Variants in KIAA1217 observed in about 807,000 individuals in gnomAD.
KIAA1217 encodes KIAA1217.
Under a neutral mutation model 163.9 loss-of-function variants are expected in KIAA1217, and 88 were observed. That is an observed-to-expected ratio of 0.54 (90% CI 0.45 to 0.64). KIAA1217 has a LOEUF of 0.64. Among genes scored for constraint, KIAA1217 ranks in the 30% least tolerant of loss-of-function variants. The probability of loss-of-function intolerance (pLI) is 0.00; values close to 1 mark genes in which losing one functional copy is unlikely to be tolerated. For missense variants in KIAA1217, 2,372 were observed against 2,475.0 expected (o/e 0.96, Z 0.88); for synonymous variants, 903 against 923.1 (o/e 0.98, Z 0.39).
chr10:23,751,141 C>A (rs1839716646), intron 1 of KIAA1217, among the ~76,000 whole-genome samples: 4 of 152,030 alleles, frequency 2.6e-5, no homozygotes, highest in Admixed American at 2.6e-4. Flanking sequence ...AATTCTTGTG[C>A]CTCAGCCTCC....
intron 2 of KIAA1217, among the ~76,000 whole-genome samples, chr10:24,321,700 G>A (rs1424561061): frequency 6.6e-6 from 1 of 152,178 alleles, no homozygotes; most frequent in East Asian, 1.9e-4. Flanking sequence ...CCACTTGTAT[G>A]AAGTACTTAG....
chr10:23,907,292 TTGTG>T (rs146002283), intron 1 of KIAA1217, among the ~76,000 whole-genome samples: 54 of 145,850 alleles, frequency 3.7e-4, no homozygotes, highest in Non-Finnish European at 7.1e-4. Flanking sequence ...CCAATATGAT[TTGTG>T]TGTGTGTGTG....
At chr10:23,984,826 C>G (rs1036688705) in intron 1 of KIAA1217, among the ~76,000 whole-genome samples, 18 of 151,930 alleles carry the variant, frequency 1.2e-4, no homozygotes, top group African/African-American at 4.1e-4. Flanking sequence ...GGCTTAAAAC[C>G]GAGATGATGG....
In KIAA1217 at chr10:24,426,490, G is replaced by A. The variant is rs60073051; in HGVS notation, c.554-6505G>A. Reference sequence around the variant, plus strand: ...AATACAAAAATTAGCCGGACATGGGGGCATATACCTGTAGTCCCAGCTACT... The same window carrying A: ...AATACAAAAATTAGCCGGACATGGGAGCATATACCTGTAGTCCCAGCTACT... On this transcript the variant is annotated intron_variant, in intron 3 of 20. Coordinates refer to ENST00000376454, the MANE Select transcript of KIAA1217 (RefSeq NM_019590.5). Among the ~76,000 whole-genome samples the A allele has an allele frequency of 3.9e-3, 591 of 152,196 alleles. 5 individuals are homozygous for A. Among genetic ancestry groups the A allele is most frequent in the African/African-American group, 0.013 (548 of 41,514 alleles).
chr10:24,440,404 A>G (rs1667537596), intron 5 of KIAA1217, among the ~76,000 whole-genome samples: 1 of 152,138 alleles, frequency 6.6e-6, no homozygotes, highest in Admixed American at 6.5e-5. Flanking sequence ...CTGGAGTTCC[A>G]TGGTGCTGAG....
Position 24,524,571 on chromosome 10 carries a change from C to A in KIAA1217, c.2705C>A (p.Ala902Asp), listed in dbSNP as rs747654033. ...ATCCAGCCCTCCCAGCACTCCGTGG[C>A]CCTGCTGAACCCTGCTCAGAACTTG... ...VVIQPSQHSVALLNPAQNLPH... is the reference protein window; with the variant it reads ...VVIQPSQHSVDLLNPAQNLPH... The change falls in exon 13 of 21, where the codon GCC (alanine) becomes GAC (aspartate). Residue 902 changes from alanine (A) to aspartate (D), a missense_variant. Physicochemically the swap from Ala to Asp is moderately radical, Grantham distance 126 (BLOSUM62 -2). This residue lies in a region of KIAA1217 where 1,431 missense variants were observed against 1,470.3 expected (regional missense o/e 0.97). Coordinates refer to ENST00000376454, the MANE Select transcript of KIAA1217 (RefSeq NM_019590.5). The A allele has an allele frequency of 6.2e-7, 1 of 1,613,976 alleles. No homozygotes were observed. Among genetic ancestry groups the A allele is most frequent in the South Asian group, 1.1e-5 (1 of 91,084 alleles).
chr10:24,053,149 C>T (rs576235276), intron 2 of KIAA1217, among the ~76,000 whole-genome samples: 8 of 152,112 alleles, frequency 5.3e-5, no homozygotes, highest in South Asian at 2.1e-4. Context: ...TTTTGTTCCC[C>T]GTGTTTCCAA....
chr10:23,745,539 T>C (rs533151206), intron 1 of KIAA1217, among the ~76,000 whole-genome samples: 1 of 152,354 alleles, frequency 6.6e-6, no homozygotes, highest in South Asian at 2.1e-4. Flanking sequence ...CCGTGTGTCC[T>C]GCTGAGAAGC....
intron 1 of KIAA1217, among the ~76,000 whole-genome samples, chr10:23,873,698 C>G (rs374583753): frequency 6.6e-6 from 1 of 151,954 alleles, no homozygotes; most frequent in South Asian, 2.1e-4. Context: ...TTCTCTCTCT[C>G]TCTCTCTCTC....
chr10:23,746,897 T>A (rs1026942253), intron 1 of KIAA1217, among the ~76,000 whole-genome samples: 7 of 152,084 alleles, frequency 4.6e-5, no homozygotes, highest in African/African-American at 1.7e-4. Flanking sequence ...TTAATGGGAA[T>A]CATTCTCTGC....
intron 2 of KIAA1217, among the ~76,000 whole-genome samples, chr10:24,034,681 A>G (rs1393153637): frequency 6.6e-6 from 1 of 152,184 alleles, no homozygotes; most frequent in Non-Finnish European, 1.5e-5. Flanking sequence ...AAGTTCAAGA[A>G]GCCCAGCAGA....
chr10:24,354,111 A>G (rs1026456122), intron 2 of KIAA1217, among the ~76,000 whole-genome samples: 1 of 152,208 alleles, frequency 6.6e-6, no homozygotes, highest in African/African-American at 2.4e-5. Flanking sequence ...TGAACTGCCA[A>G]TTGATGATGG....
chr10:23,775,540 T>A (rs547762091), intron 1 of KIAA1217, among the ~76,000 whole-genome samples: 1 of 152,300 alleles, frequency 6.6e-6, no homozygotes, highest in Admixed American at 6.5e-5. Flanking sequence ...TGGACCTTTG[T>A]CACTCCTCCG....
chr10:24,210,357 AT>A (rs1158036938), intron 1 of KIAA1217, among the ~76,000 whole-genome samples: 7 of 152,174 alleles, frequency 4.6e-5, no homozygotes, highest in African/African-American at 1.7e-4. Flanking sequence ...CTGAACAGTC[AT>A]CTGTCGAAGT....
At chr10:24,212,431 G>A (rs989617421) in intron 1 of KIAA1217, among the ~76,000 whole-genome samples, 3 of 152,200 alleles carry the variant, frequency 2.0e-5, no homozygotes, top group African/African-American at 7.2e-5. Context: ...AAGGAAGACT[G>A]AGAACTGAGA....
At chr10:24,116,199 T>G (rs1413743767) in intron 2 of KIAA1217, among the ~76,000 whole-genome samples, 1 of 152,072 alleles carries the variant, frequency 6.6e-6, no homozygotes, top group Non-Finnish European at 1.5e-5. Context: ...ACTTGCCCCA[T>G]GAGTAGTGGT....
chr10:24,349,230 C>G (rs1227513764), intron 2 of KIAA1217, among the ~76,000 whole-genome samples: 1 of 151,196 alleles, frequency 6.6e-6, no homozygotes, highest in Non-Finnish European at 1.5e-5. Flanking sequence ...TGTTAACTTA[C>G]TGATTTTGTT....
intron 2 of KIAA1217, among the ~76,000 whole-genome samples, chr10:24,124,278 A>C (rs569664218): frequency 1.2e-4 from 18 of 152,110 alleles, no homozygotes; most frequent in Non-Finnish European, 2.4e-4. Context: ...CAATTGCCCC[A>C]GTACAATTTA....
At chr10:24,360,105 G>A (rs1466369719) in intron 2 of KIAA1217, among the ~76,000 whole-genome samples, 1 of 133,596 alleles carries the variant, frequency 7.5e-6, no homozygotes, top group Non-Finnish European at 1.5e-5. Flanking sequence ...GGAGTACAGT[G>A]GCACAATCTG....
Sources: allele counts gnomAD v4.1 joint callset (sites outside exome capture counted in the v4.1 genomes callset), GRCh38; gene constraint gnomAD v4.1.1; regional missense constraint gnomAD v4.1.1; transcripts MANE v1.5; gene names NCBI Gene and HGNC (gene_info 2026-07-23, HGNC 2026-07-21).